The following CNTNAP2 variants were observed in gnomAD, a reference collection of about 807,000 sequenced individuals.
The protein encoded by CNTNAP2 is contactin associated protein 2, also known as contactin-associated protein-like 2.
Under a neutral mutation model 155.2 loss-of-function variants are expected in CNTNAP2, and 98 were observed. The observed-to-expected ratio is 0.63, with a 90% CI of 0.54 to 0.75. The LOEUF (loss-of-function observed/expected upper bound fraction) is 0.75. Among genes scored for constraint, CNTNAP2 ranks in the 30% least tolerant of loss-of-function variants. The pLI is 0.00. For synonymous variants in CNTNAP2, 651 were observed against 631.2 expected (o/e 1.03, Z -0.47); for missense variants, 1,727 against 1,688.1 (o/e 1.02, Z -0.40).
At chr7:147,054,080 T>C (rs1799517322) in intron 4 of CNTNAP2, among the ~76,000 whole-genome samples, 1 of 152,156 alleles carries the variant, frequency 6.6e-6, no homozygotes, top group South Asian at 2.1e-4. Context: ...TTAATACCTC[T>C]CTCCTCTGGT....
intron 2 of CNTNAP2, among the ~76,000 whole-genome samples, chr7:146,812,538 G>A (rs760076566): frequency 3.3e-5 from 5 of 151,566 alleles, no homozygotes; most frequent in Non-Finnish European, 5.9e-5. Flanking sequence ...CCATGTTGGT[G>A]TGCTGCACCC....
chr7:146,411,846 A>ATTTT (rs754874287), intron 1 of CNTNAP2, among the ~76,000 whole-genome samples: 4,969 of 85,122 alleles, frequency 0.058, 249 homozygotes, highest in African/African-American at 0.13. Flanking sequence ...TTATTTATTT[A>ATTTT]TTTTATTTGA....
chr7:147,841,808 A>G (rs978285743), intron 13 of CNTNAP2, among the ~76,000 whole-genome samples: 2 of 152,202 alleles, frequency 1.3e-5, no homozygotes, highest in African/African-American at 4.8e-5. Flanking sequence ...GTGTTGATCA[A>G]TTATGTATTT....
intron 8 of CNTNAP2, among the ~76,000 whole-genome samples, chr7:147,245,698 T>G (rs73459576): frequency 0.022 from 3,073 of 138,000 alleles, 105 homozygotes; most frequent in African/African-American, 0.08. Context: ...GCGTGGCATG[T>G]TGGCAGTAAG....
chr7:147,934,502 C>A (rs1359318523), intron 14 of CNTNAP2, among the ~76,000 whole-genome samples: 1 of 152,156 alleles, frequency 6.6e-6, no homozygotes, highest in Admixed American at 6.5e-5. Flanking sequence ...CCACCAAGTC[C>A]CTCCCACAAC....
At chr7:147,720,547 T>C (rs12154840) in intron 13 of CNTNAP2, among the ~76,000 whole-genome samples, 84,541 of 151,928 alleles carry the variant, frequency 0.56, 25,516 homozygotes, top group East Asian at 0.84. Flanking sequence ...AATCTCATCT[T>C]GAATTGTAAC....
chr7:147,465,442 T>C (rs1042772871), intron 10 of CNTNAP2, among the ~76,000 whole-genome samples: 1 of 152,214 alleles, frequency 6.6e-6, no homozygotes, highest in Admixed American at 6.5e-5. Flanking sequence ...ATAGGGAGAT[T>C]TGACTTCATA....
At chr7:146,472,408 T>A (rs1216247906) in intron 1 of CNTNAP2, among the ~76,000 whole-genome samples, 1 of 152,220 alleles carries the variant, frequency 6.6e-6, no homozygotes, top group East Asian at 1.9e-4. Context: ...ATTTCTGAAC[T>A]AAACATAATA....
intron 3 of CNTNAP2, among the ~76,000 whole-genome samples, chr7:146,998,700 T>C (rs957483500): frequency 6.6e-6 from 1 of 152,042 alleles, no homozygotes; most frequent in Non-Finnish European, 1.5e-5. Flanking sequence ...TTTATATATT[T>C]AGGTGGTCCT....
intron 21 of CNTNAP2, among the ~76,000 whole-genome samples, chr7:148,323,045 T>C (rs73466272): frequency 0.046 from 7,015 of 152,134 alleles, 564 homozygotes; most frequent in African/African-American, 0.16. Flanking sequence ...ACATCACTAT[T>C]GTTATAATCA....
chr7:147,949,074 G>A, intron 14 of CNTNAP2, among the ~76,000 whole-genome samples: 1 of 151,778 alleles, frequency 6.6e-6, no homozygotes, highest in Non-Finnish European at 1.5e-5. Flanking sequence ...GGTGGTGGAT[G>A]CCTGTAATCC....
At chr7:147,478,705 ACATTGCACATGGCACTTC>A (rs1367811466) in intron 10 of CNTNAP2, among the ~76,000 whole-genome samples, 3 of 152,206 alleles carry the variant, frequency 2.0e-5, no homozygotes, top group Non-Finnish European at 4.4e-5. Flanking sequence ...CTTCATCCAG[ACATTGCACATGGCACTTC>A]CATTGCCTTC....
At chr7:147,105,409 G>A (rs921864749) in intron 4 of CNTNAP2, among the ~76,000 whole-genome samples, 10 of 151,936 alleles carry the variant, frequency 6.6e-5, no homozygotes, top group South Asian at 4.2e-4. Context: ...TTTAATCACC[G>A]CATCGAAAAC....
intron 13 of CNTNAP2, among the ~76,000 whole-genome samples, chr7:147,665,363 A>G (rs1231462364): frequency 6.6e-6 from 1 of 152,222 alleles, no homozygotes; most frequent in Non-Finnish European, 1.5e-5. Flanking sequence ...TTTACCGTAG[A>G]TGGATATTTG....
intron 4 of CNTNAP2, among the ~76,000 whole-genome samples, chr7:147,100,356 A>T (rs1341786226): frequency 2.0e-5 from 3 of 152,244 alleles, no homozygotes; most frequent in African/African-American, 7.2e-5. Flanking sequence ...TAAGTCAAAA[A>T]TTAAAATATG....
intron 15 of CNTNAP2, among the ~76,000 whole-genome samples, chr7:148,018,380 T>G (rs1474845574): frequency 6.6e-6 from 1 of 152,214 alleles, no homozygotes; most frequent in African/African-American, 2.4e-5. Flanking sequence ...GGTGATTATC[T>G]GTGCTGGGGG....
At chr7:148,107,349 G>A (rs185918371) in intron 15 of CNTNAP2, among the ~76,000 whole-genome samples, 6 of 152,164 alleles carry the variant, frequency 3.9e-5, no homozygotes, top group Admixed American at 1.3e-4. Flanking sequence ...CAAAGGACCC[G>A]AATCACAGAG....
At chr7:148,284,875 G>A (rs1165624759) in intron 21 of CNTNAP2, among the ~76,000 whole-genome samples, 2 of 152,164 alleles carry the variant, frequency 1.3e-5, no homozygotes, top group Admixed American at 1.3e-4. Context: ...ACAATGAAAT[G>A]GTAACAGAAG....
intron 14 of CNTNAP2, among the ~76,000 whole-genome samples, chr7:147,935,512 T>C (rs1051339690): frequency 1.3e-5 from 2 of 152,216 alleles, no homozygotes; most frequent in Non-Finnish European, 2.9e-5. Context: ...TTATGCCACC[T>C]TTTTGGTCAG....
Sources: allele counts gnomAD v4.1 joint callset (sites outside exome capture counted in the v4.1 genomes callset), GRCh38; gene constraint gnomAD v4.1.1; transcripts MANE v1.5; gene names NCBI Gene and HGNC (gene_info 2026-07-23, HGNC 2026-07-21).